COMMD1: variants seen among roughly 807,000 people sequenced by gnomAD.
The protein encoded by COMMD1 is copper metabolism domain containing 1, also known as COMM domain-containing protein 1.
COMMD1 carries 10 observed loss-of-function variants against 17.2 expected under a neutral mutation model. That is an observed-to-expected ratio of 0.58 (90% CI 0.36 to 0.99). The LOEUF (loss-of-function observed/expected upper bound fraction) is 0.99. Among genes scored for constraint, COMMD1 ranks in the 50% least tolerant of loss-of-function variants. The pLI is 0.01. For missense variants in COMMD1, 270 were observed against 231.8 expected (o/e 1.17, Z -1.07); for synonymous variants, 97 against 91.6 (o/e 1.06, Z -0.34).
At position 62,133,299 on chromosome 2, in the gene COMMD1, G is replaced by A. The variant is rs908899738; in HGVS notation, c.463-2532G>A. On this transcript the variant is annotated intron_variant, in intron 2 of 2. Transcript: ENST00000311832. Reference sequence around the variant, plus strand: ...GCAACAGCAAAACCAACTCCTGAATGTTCTTTTGGCTGATGGCAAAGTGAC... The same window carrying A: ...GCAACAGCAAAACCAACTCCTGAATATTCTTTTGGCTGATGGCAAAGTGAC... Among the ~76,000 whole-genome samples, 108 of 152,134 alleles carry A rather than the reference G, an allele frequency of 7.1e-4. 1 individual carries two copies. The highest frequency in any genetic ancestry group is 1.5e-4 in the Non-Finnish European group (10 of 68,022).
At chr2:61,985,839 G>A (rs2103765506) in intron 1 of COMMD1, among the ~76,000 whole-genome samples, 1 of 152,108 alleles carries the variant, frequency 6.6e-6, no homozygotes, top group East Asian at 1.9e-4. Flanking sequence ...GTCTTGAAAT[G>A]TCATTGTAGT....
At chr2:62,122,261 C>G (rs756771802) in intron 2 of COMMD1, among the ~76,000 whole-genome samples, 2 of 152,144 alleles carry the variant, frequency 1.3e-5, no homozygotes, top group Non-Finnish European at 2.9e-5. Context: ...TAAATCAATA[C>G]GGAATCAGGT....
At chr2:62,090,458 G>A (rs547574101) in intron 2 of COMMD1, among the ~76,000 whole-genome samples, 1 of 152,186 alleles carries the variant, frequency 6.6e-6, no homozygotes. Flanking sequence ...TGGCCAATTT[G>A]TCTCCATAGA....
intron 2 of COMMD1, among the ~76,000 whole-genome samples, chr2:62,036,328 G>A (rs1404282019): frequency 6.6e-6 from 1 of 151,958 alleles, no homozygotes; most frequent in African/African-American, 2.4e-5. Context: ...AAATAAGTAG[G>A]GCAGCTGTTA....
chr2:61,925,931 A>G (rs1007824407), intron 1 of COMMD1, among the ~76,000 whole-genome samples: 5 of 152,088 alleles, frequency 3.3e-5, no homozygotes, highest in African/African-American at 1.2e-4. Context: ...AGGCAATGCC[A>G]ATTGCAGAGT....
chr2:62,119,229 A>G (rs1281117260), intron 2 of COMMD1, among the ~76,000 whole-genome samples: 2 of 152,186 alleles, frequency 1.3e-5, no homozygotes, highest in African/African-American at 2.4e-5. Context: ...AGGCCTCAGG[A>G]GAAACCACAC....
intron 1 of COMMD1, among the ~76,000 whole-genome samples, chr2:61,996,626 A>C (rs987303722): frequency 6.6e-6 from 1 of 152,132 alleles, no homozygotes; most frequent in African/African-American, 2.4e-5. Flanking sequence ...GTAATGTTCT[A>C]AGTCCTTTGT....
intron 2 of COMMD1, among the ~76,000 whole-genome samples, chr2:62,092,219 A>G (rs1378537219): frequency 1.3e-5 from 2 of 152,240 alleles, no homozygotes; most frequent in African/African-American, 4.8e-5. Flanking sequence ...ATACCAAGGA[A>G]GAGAGTGCAT....
intron 1 of COMMD1, among the ~76,000 whole-genome samples, chr2:61,931,640 A>G (rs992473562): frequency 7.9e-5 from 12 of 152,170 alleles, no homozygotes; most frequent in African/African-American, 2.9e-4. Context: ...TTGGATGGTA[A>G]TGGGCAACAG....
chr2:62,083,013 C>T (rs1671568555), intron 2 of COMMD1, among the ~76,000 whole-genome samples: 1 of 152,174 alleles, frequency 6.6e-6, no homozygotes, highest in Non-Finnish European at 1.5e-5. Flanking sequence ...TATTCCAGCA[C>T]TTTGAGAGGC....
intron 1 of COMMD1, among the ~76,000 whole-genome samples, chr2:61,960,310 A>C (rs1573003833): frequency 6.6e-6 from 1 of 152,296 alleles, no homozygotes; most frequent in East Asian, 1.9e-4. Flanking sequence ...CTCTGGAAGG[A>C]GCAGTCTTTC....
intron 2 of COMMD1, among the ~76,000 whole-genome samples, chr2:62,068,987 T>A (rs1558585482): frequency 6.6e-6 from 1 of 152,036 alleles, no homozygotes; most frequent in Non-Finnish European, 1.5e-5. Flanking sequence ...AAAGACCTTT[T>A]TGGAGAATGA....
At chr2:61,929,496 T>C (rs538702268) in intron 1 of COMMD1, among the ~76,000 whole-genome samples, 2 of 152,318 alleles carry the variant, frequency 1.3e-5, no homozygotes, top group South Asian at 2.1e-4. Context: ...CCCTAGTTTA[T>C]TACCATTATA....
intron 1 of COMMD1, among the ~76,000 whole-genome samples, chr2:61,947,625 A>G (rs192378324): frequency 5.9e-5 from 9 of 152,224 alleles, no homozygotes; most frequent in South Asian, 2.1e-4. Context: ...AGAGGTTGCA[A>G]TGAGCCAAGA....
chr2:61,946,735 C>G (rs1183116503), intron 1 of COMMD1, among the ~76,000 whole-genome samples: 1 of 152,124 alleles, frequency 6.6e-6, no homozygotes, highest in Non-Finnish European at 1.5e-5. Context: ...GCCAGCTCGA[C>G]CATATAAAAT....
At chr2:62,086,158 G>A (rs1183385534) in intron 2 of COMMD1, among the ~76,000 whole-genome samples, 1 of 150,678 alleles carries the variant, frequency 6.6e-6, no homozygotes, top group Non-Finnish European at 1.5e-5. Context: ...CTCCAGCCTG[G>A]GATACAGAGC....
At chr2:62,078,350 G>C (rs1053572259) in intron 2 of COMMD1, among the ~76,000 whole-genome samples, 3 of 149,164 alleles carry the variant, frequency 2.0e-5, no homozygotes, top group Non-Finnish European at 3.0e-5. Flanking sequence ...TCAAGAGTTC[G>C]AGACCAGCCT....
At chr2:62,135,726 G>C in intron 2 of COMMD1, 105 bp from the exon 3 acceptor site, 1 of 742,222 alleles carries the variant, frequency 1.3e-6, no homozygotes, top group Non-Finnish European at 2.5e-6. Flanking sequence ...TAAGGTCTGA[G>C]CTGGGCTTGC....
Position 62,030,295 on chromosome 2 carries a change from C to G in COMMD1, c.462+29313C>G, listed in dbSNP as rs552622540. On this transcript the variant is annotated intron_variant, in intron 2 of 2. Transcript: ENST00000311832. ...GGAAAGGGGTTCTGATTTCTATGAC[C>G]CACCTTGGGGAAGGGGGATTCTAGT... Among the ~76,000 whole-genome samples the G allele has an allele frequency of 9.9e-5, 15 of 152,226 alleles. 1 individual carries two copies. Among genetic ancestry groups the G allele is most frequent in the Middle Eastern group, 3.4e-3 (1 of 294 alleles).
Sources: allele counts gnomAD v4.1 joint callset (sites outside exome capture counted in the v4.1 genomes callset), GRCh38; gene constraint gnomAD v4.1.1; transcripts MANE v1.5; gene names NCBI Gene and HGNC (gene_info 2026-07-23, HGNC 2026-07-21).